The following FAM13B variants were observed in gnomAD, a reference collection of about 807,000 sequenced individuals.
FAM13B encodes the protein family with sequence similarity 13 member B, also known as protein FAM13B.
A neutral mutation model predicts 117.3 loss-of-function variants in FAM13B; 60 were observed. That is an observed-to-expected ratio of 0.51 (90% CI 0.42 to 0.63). The LOEUF is 0.63. Among genes scored for constraint, FAM13B ranks in the 30% least tolerant of loss-of-function variants. The pLI is 0.00. For synonymous variants in FAM13B, 332 were observed against 356.1 expected (o/e 0.93, Z 0.76); for missense variants, 972 against 1,091.9 (o/e 0.89, Z 1.55).
chr5:137,946,120 G>A lies in FAM13B; in HGVS notation c.2244+108C>T, dbSNP rs759066899. 7.0e-5 allele frequency: 86 copies of A among 1,235,136 alleles called. 1 individual carries two copies. The highest frequency in any genetic ancestry group is 9.6e-5 in the Non-Finnish European group (82 of 857,936). 76.5% of individuals were successfully genotyped at this position (1,235,136 alleles called of 1,614,324 possible). On this transcript the variant is annotated intron_variant, in intron 19 of 23. Transcript: ENST00000689681. ...TAAATACATAGGCAATCCCCCAATT[G>A]TAGGAAATAATGCTCAAAAAACAGC...
At chr5:137,946,813 T>C (rs1233681013) in intron 18 of FAM13B, among the ~76,000 whole-genome samples, 1 of 152,234 alleles carries the variant, frequency 6.6e-6, no homozygotes, top group East Asian at 1.9e-4. Flanking sequence ...CATACACACA[T>C]AGGTTTTATA....
At chr5:137,949,236 C>T (rs1345854917) in intron 17 of FAM13B, 52 bp from the exon 18 acceptor site, 7 of 1,426,832 alleles carry the variant, frequency 4.9e-6, no homozygotes, top group Admixed American at 3.4e-5. Flanking sequence ...TAGCTTTGAC[C>T]GGGTCAAAGA....
intron 7 of FAM13B, among the ~76,000 whole-genome samples, chr5:137,998,225 G>A (rs948733126): frequency 6.6e-5 from 10 of 152,206 alleles, no homozygotes; most frequent in Non-Finnish European, 8.8e-5. Flanking sequence ...CAATGATGAT[G>A]CAAAATCAAT....
At chr5:138,050,207 G>A (rs543505391) in intron 1 of FAM13B, among the ~76,000 whole-genome samples, 165 of 152,242 alleles carry the variant, frequency 1.1e-3, no homozygotes, top group African/African-American at 3.7e-3. Flanking sequence ...AGAGGCCGAG[G>A]CAGGCAGATC....
chr5:138,026,277 G>T (rs923216809), intron 1 of FAM13B, among the ~76,000 whole-genome samples: 1 of 152,016 alleles, frequency 6.6e-6, no homozygotes, highest in Non-Finnish European at 1.5e-5. Flanking sequence ...TTATTAAAAC[G>T]TATTGAGCTG....
At chr5:138,035,816 G>C (rs553596784), upstream of FAM13B, among the ~76,000 whole-genome samples, 1 of 152,326 alleles carries the variant, frequency 6.6e-6, no homozygotes, top group East Asian at 1.9e-4. Flanking sequence ...CAGGAAAGTT[G>C]TTAACTTTGT....
At chr5:138,025,663 T>TA (rs1788176160) in intron 1 of FAM13B, among the ~76,000 whole-genome samples, 1 of 152,034 alleles carries the variant, frequency 6.6e-6, no homozygotes, top group African/African-American at 2.4e-5. Flanking sequence ...TTTCCCCCCA[T>TA]GGGCTGAAAA....
At chr5:138,030,883 A>T (rs1178946412) in intron 1 of FAM13B, among the ~76,000 whole-genome samples, 2 of 151,976 alleles carry the variant, frequency 1.3e-5, no homozygotes, top group Non-Finnish European at 2.9e-5. Context: ...AAATACAAAA[A>T]TTAGTCAGGC....
chr5:137,969,760 C>T (rs1267376875), intron 10 of FAM13B, among the ~76,000 whole-genome samples: 1 of 151,888 alleles, frequency 6.6e-6, no homozygotes, highest in Non-Finnish European at 1.5e-5. Context: ...CAGAGAAGTG[C>T]TTAAAGGAGC....
At position 138,041,487 on chromosome 5, in the gene FAM13B, CT is replaced by C. The variant is rs925253933; in HGVS notation, c.-203+10390del. On this transcript the variant is annotated intron_variant, in intron 1 of 3. Coordinates refer to the FAM13B transcript ENST00000502471. ...ACAAGAAATTAAACAGTATATATAA[CT>C]TCCAGTTTATTAGGGGGATAAAATA... is the stretch of plus-strand genomic sequence containing the variant. 5.9e-5 allele frequency among the ~76,000 whole-genome samples: 9 copies of C among 152,058 alleles called. 1 individual carries two copies. The highest frequency in any genetic ancestry group is 5.8e-4 in the East Asian group (3 of 5,204).
intron 6 of FAM13B, among the ~76,000 whole-genome samples, chr5:138,009,186 G>T (rs1783310680): frequency 6.6e-6 from 1 of 152,132 alleles, no homozygotes; most frequent in Non-Finnish European, 1.5e-5. Context: ...GAACCATTAA[G>T]TTCACATGTA....
chr5:138,029,223 A>C (rs1040013831), intron 1 of FAM13B, among the ~76,000 whole-genome samples: 2 of 152,210 alleles, frequency 1.3e-5, no homozygotes, highest in Non-Finnish European at 2.9e-5. Flanking sequence ...CAGAGAGCTG[A>C]AGAAACTGGT....
At chr5:137,962,313 T>C (rs935832056) in intron 11 of FAM13B, 92 bp downstream of exon 11, 2 of 969,604 alleles carry the variant, frequency 2.1e-6, no homozygotes, top group Non-Finnish European at 3.2e-6. Context: ...TATATATTTA[T>C]AATGGACATT....
chr5:137,947,289 C>A (rs1244020058), intron 18 of FAM13B, among the ~76,000 whole-genome samples: 1 of 152,170 alleles, frequency 6.6e-6, no homozygotes, highest in Non-Finnish European at 1.5e-5. Context: ...CTTGCTATAA[C>A]AAATATAACT....
In FAM13B at chr5:138,032,944, G is replaced by A; in HGVS notation, c.-365C>T. 2 of 986,110 alleles carry A rather than the reference G, an allele frequency of 2.0e-6. No individual in the cohort carries two copies. Among genetic ancestry groups the A allele is most frequent in the Non-Finnish European group, 2.4e-6 (2 of 830,354 alleles). The allele number at this position is 986,110 out of a possible 1,614,324, so 61.1% of individuals were successfully genotyped here. A position where few individuals can be genotyped will look rare whatever the true frequency, so the allele number is the denominator to read the frequency against. On this transcript the variant is annotated 5_prime_UTR_variant, in exon 1 of 24. Coordinates refer to ENST00000689681, the MANE Select transcript of FAM13B (RefSeq NM_001385994.1). ...GTTAAAGCTACGGCTGTGGCGCGGGGCCAGCCCGGTAAGCGACCCCCCGGA... is the reference window on the plus strand; with the variant it reads ...GTTAAAGCTACGGCTGTGGCGCGGGACCAGCCCGGTAAGCGACCCCCCGGA...
At chr5:138,041,063 C>CAAAAAAAAAA (rs5871662) in intron 1 of FAM13B, among the ~76,000 whole-genome samples, 5 of 70,412 alleles carry the variant, frequency 7.1e-5, no homozygotes, top group Non-Finnish European at 1.1e-4. Flanking sequence ...GACTCCATCT[C>CAAAAAAAAAA]AAAAAAAAAA....
intron 1 of FAM13B, among the ~76,000 whole-genome samples, chr5:138,025,232 C>G (rs1191283290): frequency 6.9e-6 from 1 of 145,910 alleles, no homozygotes; most frequent in Non-Finnish European, 1.5e-5. Flanking sequence ...TAGGAAATTA[C>G]ATTGAATTTT....
intron 5 of FAM13B, among the ~76,000 whole-genome samples, 192 bp downstream of exon 5, chr5:138,011,576 T>C (rs990694415): frequency 5.9e-5 from 9 of 152,142 alleles, no homozygotes; most frequent in Middle Eastern, 3.4e-3. Flanking sequence ...CCCGCCACCA[T>C]GCCCAGCTAG....
chr5:138,048,909 G>C (rs1291075279), intron 1 of FAM13B, among the ~76,000 whole-genome samples: 3 of 148,864 alleles, frequency 2.0e-5, no homozygotes. Context: ...AAAAATCAGA[G>C]AATTCTGAAG....
Sources: gnomAD v4.1 joint callset for allele counts (sites outside exome capture counted in the v4.1 genomes callset) on GRCh38, gnomAD v4.1.1 for gene constraint, MANE v1.5 for transcripts, NCBI Gene and HGNC (gene_info 2026-07-23, HGNC 2026-07-21) for gene names.